The following ZNF35 variants were observed in gnomAD, a reference collection of about 807,000 sequenced individuals.
ZNF35 encodes zinc finger protein 35.
ZNF35 carries 31 observed loss-of-function variants against 45.9 expected under a neutral mutation model. The observed-to-expected ratio is 0.68, with a 90% confidence interval of 0.51 to 0.91. The LOEUF is 0.91. Among genes scored for constraint, ZNF35 ranks in the 40% least tolerant of loss-of-function variants. ZNF35 has a pLI of 0.00. For synonymous variants in ZNF35, 205 were observed against 220.2 expected, an observed-to-expected ratio of 0.93 and a Z score of 0.61; for missense variants, 515 against 625.4, an observed-to-expected ratio of 0.82 and a Z score of 1.88.
At chr3:44,658,461 A>G (rs1395399517) in intron 3 of ZNF35, among the ~76,000 whole-genome samples, 21 of 152,150 alleles carry the variant, frequency 1.4e-4, no homozygotes, top group Admixed American at 1.4e-3. Flanking sequence ...TGTCTAATGG[A>G]GGCAAGTGGA....
At chr3:44,652,425 G>A (rs1210069913) in intron 2 of ZNF35, 132 bp from the exon 3 acceptor site, 1 of 975,108 alleles carries the variant, frequency 1.0e-6, no homozygotes, top group Non-Finnish European at 1.4e-6. Context: ...GGAGACTCTG[G>A]CTTCCTTTTC....
intron 2 of ZNF35, among the ~76,000 whole-genome samples, chr3:44,651,704 G>A (rs569703351): frequency 5.9e-5 from 9 of 152,014 alleles, no homozygotes; most frequent in East Asian, 1.9e-4. Flanking sequence ...ATGGTGGCAC[G>A]TGCCTGTAGT....
chr3:44,650,068 T>TTGTG (rs10575761), intron 1 of ZNF35, among the ~76,000 whole-genome samples: 116 of 150,066 alleles, frequency 7.7e-4, no homozygotes, highest in Admixed American at 3.0e-3. Context: ...GATAAGTACT[T>TTGTG]TGTGTGTGTG....
intron 1 of ZNF35, among the ~76,000 whole-genome samples, chr3:44,649,224 C>T (rs987637273): frequency 6.6e-6 from 1 of 152,228 alleles, no homozygotes; most frequent in South Asian, 2.1e-4. Context: ...TGAGAGTACT[C>T]ACTGTAGGCA....
Position 44,651,220 on chromosome 3 carries a change from T to G in ZNF35, c.153T>G (p.Gly51=), listed in dbSNP as rs1703196628. 6.2e-7 allele frequency: 1 copy of G among 1,612,344 alleles called. No individual in the cohort carries two copies. The highest frequency in any genetic ancestry group is 2.2e-5 in the East Asian group (1 of 44,812). The change falls in exon 2 of 4, where the codon GGT becomes GGG. Residue 51 remains glycine, a synonymous_variant. Transcript: ENST00000396056. ...ENIKVWAPVQ[G]LQTGLDGSEE... is the part of the protein sequence containing the mutation. ...TCAAAGTCTGGGCCCCAGTGCAGGG[T>G]CTTCAGACAGGCCTTGATGGATCAG...
chr3:44,657,164 T>C (rs1703324527), intron 3 of ZNF35, among the ~76,000 whole-genome samples: 1 of 152,170 alleles, frequency 6.6e-6, no homozygotes, highest in Non-Finnish European at 1.5e-5. Flanking sequence ...CTGCCCCCAA[T>C]ATTGCTTTGT....
In ZNF35 at chr3:44,651,008, G is replaced by A. The variant is rs778080072; in HGVS notation, c.-60G>A. ...AGCTTTTGAAACATAAAGCTTGGAT[G>A]GGGTTTGACCTCTGCAGGGCAGCGC... On this transcript the variant is annotated 5_prime_UTR_variant, in exon 2 of 4. An upstream start codon of the reference 5' UTR is lost. Transcript: ENST00000396056. 53 of 1,504,456 alleles carry A rather than the reference G, an allele frequency of 3.5e-5. No individual in the cohort carries two copies. Among genetic ancestry groups the A allele is most frequent in the Non-Finnish European group, 4.7e-5 (52 of 1,116,186 alleles). 93.2% of individuals were successfully genotyped at this position (1,504,456 alleles called of 1,614,324 possible). A position where few individuals can be genotyped will look rare whatever the true frequency, so the allele number is the denominator to read the frequency against.
chr3:44,656,045 A>ACTT (rs1703294324), intron 3 of ZNF35, among the ~76,000 whole-genome samples: 1 of 152,176 alleles, frequency 6.6e-6, no homozygotes, highest in Non-Finnish European at 1.5e-5. Context: ...GGAGGTGAAA[A>ACTT]GAATCAAGGG....
chr3:44,651,711 T>C (rs571142719), intron 2 of ZNF35, among the ~76,000 whole-genome samples: 25 of 151,912 alleles, frequency 1.6e-4, no homozygotes, highest in African/African-American at 5.8e-4. Flanking sequence ...CACGTGCCTG[T>C]AGTCTCAGCT....
rs1425596291 is a variant in ZNF35, at chr3:44,658,936, G to C, written c.573G>C (p.Glu191Asp). The C allele has an allele frequency of 6.2e-7, 1 of 1,613,738 alleles. No homozygotes were observed. The highest frequency in any genetic ancestry group is 2.2e-5 in the East Asian group (1 of 44,886). ...DCHLPESFKE[E>D]ENQKCKKSGG... ...ACTTACCTGAAAGCTTCAAAGAAGA[G>C]GAAAACCAGAAATGTAAGAAATCTG... The change falls in exon 4 of 4, where the codon GAG becomes GAC. Residue 191 changes from glutamate to aspartate, a missense_variant. Coordinates refer to ENST00000396056, the MANE Select transcript of ZNF35 (RefSeq NM_003420.4).
Position 44,651,118 on chromosome 3 carries a change from G to A in ZNF35, c.51G>A (p.Val17=), listed in dbSNP as rs771552648. 9 of 1,614,030 alleles carry A rather than the reference G, an allele frequency of 5.6e-6. No individual in the cohort carries two copies. The African/African-American group carries it at 1.2e-4, about 22-fold the overall frequency. ...EAMALAPWGP[V]KVKKEEEEEE... is the part of the protein sequence containing the mutation. ...TGGCCCTAGCCCCATGGGGCCCAGT[G>A]AAGGTGAAAAAGGAGGAGGAAGAAG... The change falls in exon 2 of 4, where the codon GTG becomes GTA. Residue 17 remains valine (V), a synonymous_variant. Coordinates refer to ENST00000396056, the MANE Select transcript of ZNF35 (RefSeq NM_003420.4).
rs944924312 is a variant in ZNF35, at chr3:44,657,270, C to T, written c.338-1431C>T. 5.9e-5 allele frequency among the ~76,000 whole-genome samples: 9 copies of T among 152,208 alleles called. No individual in the cohort carries two copies. The South Asian group carries it at 6.2e-4, about 10-fold the overall frequency. On this transcript the variant is annotated intron_variant, in intron 3 of 3. Transcript: ENST00000396056. The stretch of plus-strand genomic sequence containing the variant: ...CTCATGGGTGCTAGTCTCTCCCCTG[C>T]GCAGTAGCAGCAGTTATAACCTGAA...
chr3:44,658,684 T>C lies in ZNF35; in HGVS notation c.338-17T>C. On this transcript the variant is annotated splice_polypyrimidine_tract_variant and intron_variant, in intron 3 of 3. Coordinates refer to ENST00000396056, the MANE Select transcript of ZNF35 (RefSeq NM_003420.4). ...CCAGAGAAAGCTAACATTTGTATTT[T>C]CTGTTTCTTGGTTCAGGTGCTGAAA... 6.5e-7 allele frequency: 1 copy of C among 1,540,694 alleles called. No homozygotes were observed. Among genetic ancestry groups the C allele is most frequent in the African/African-American group, 1.4e-5 (1 of 72,038 alleles).
chr3:44,660,349 G>A lies in ZNF35; in HGVS notation c.*402G>A. On this transcript the variant is annotated 3_prime_UTR_variant, in exon 4 of 4. Coordinates refer to ENST00000396056, the MANE Select transcript of ZNF35 (RefSeq NM_003420.4). ...CCTGGTTGAATTCTGGTTGAACCGT[G>A]TATTCTAATATTTCTGGTTAAGTGG... 6.3e-6 allele frequency: 1 copy of A among 159,046 alleles called. No individual in the cohort carries two copies. The highest frequency in any genetic ancestry group is 1.4e-5 in the Non-Finnish European group (1 of 72,418). The allele number at this position is 159,046 out of a possible 1,614,324, so 9.9% of individuals were successfully genotyped here.
intron 3 of ZNF35, among the ~76,000 whole-genome samples, chr3:44,654,650 CTG>C (rs1172677279): frequency 1.9e-4 from 29 of 152,072 alleles, no homozygotes; most frequent in African/African-American, 7.0e-4. Context: ...CAAGTTTTAA[CTG>C]TAGTTTTCAT....
In ZNF35 at chr3:44,659,554, A is replaced by T; in HGVS notation, c.1191A>T (p.Lys397Asn). The T allele has an allele frequency of 6.2e-7, 1 of 1,613,978 alleles. No individual in the cohort carries two copies. The highest frequency in any genetic ancestry group is 8.5e-7 in the Non-Finnish European group (1 of 1,179,934). Residue 397 changes from lysine to asparagine, a missense_variant, in exon 4 of 4, where the codon AAA becomes AAT. Physicochemically the swap from Lys to Asn is moderately conservative, Grantham distance 94 (BLOSUM62 0). Coordinates refer to ENST00000396056, the MANE Select transcript of ZNF35 (RefSeq NM_003420.4). This position sits in a 1 kb window ranked among gnomAD's most constrained non-coding sequence, Gnocchi z 4.3. ...CATATGAGTGTAAAGAGTGTGGGAA[A>T]GCCTTTAGTTGTTTTTCACACCTTA... is the stretch of plus-strand genomic sequence containing the variant. ...EKPYECKECG[K>N]AFSCFSHLIV...
intron 3 of ZNF35, among the ~76,000 whole-genome samples, chr3:44,656,678 T>C (rs981883459): frequency 6.8e-5 from 10 of 147,532 alleles, no homozygotes; most frequent in Non-Finnish European, 1.3e-4. Flanking sequence ...CATGAGCCAC[T>C]GCACCCGGCT....
At chr3:44,651,324 G>GCAGAGTCCCCTCTTA in intron 2 of ZNF35, 65 bp downstream of exon 2, 2 of 1,502,874 alleles carry the variant, frequency 1.3e-6, no homozygotes, top group Non-Finnish European at 1.8e-6. Context: ...TTTAAGAGGG[G>GCAGAGTCCCCTCTTA]ACTCTGCCCC....
At chr3:44,647,121 TC>T (rs1416788219), upstream of ZNF35, 5 of 152,122 alleles carry the variant, frequency 3.3e-5, no homozygotes, top group African/African-American at 1.2e-4. Flanking sequence ...TAAAGAACTT[TC>T]CAAATTTAAC....
Sources: allele counts gnomAD v4.1 joint callset (sites outside exome capture counted in the v4.1 genomes callset), GRCh38; gene constraint gnomAD v4.1.1; non-coding constraint Gnocchi (gnomAD v3.1); transcripts MANE v1.5; gene names NCBI Gene and HGNC (gene_info 2026-07-23, HGNC 2026-07-21).